NBEAL1: variants seen among roughly 807,000 people sequenced by gnomAD.
NBEAL1 encodes the protein neurobeachin like 1.
NBEAL1 carries 273 observed loss-of-function variants against 351.3 expected under a neutral mutation model. The ratio of observed to expected loss-of-function variants is 0.78; its 90% CI spans 0.70 to 0.86. NBEAL1 has a LOEUF of 0.86. Ranked by LOEUF, NBEAL1 falls within the 40% of genes least tolerant of loss-of-function variation. NBEAL1 has a pLI of 0.00. For missense variants in NBEAL1, 2,961 were observed against 3,201.3 expected (o/e 0.92, Z 1.81); for synonymous variants, 1,050 against 1,086.4 (o/e 0.97, Z 0.66).
At position 203,016,362 on chromosome 2, in the gene NBEAL1, A is replaced by C; in HGVS notation, c.-23A>C. The stretch of plus-strand genomic sequence containing the variant: ...AACATAATTTTTTTAAGGAAAACTT[A>C]AAGTGCCAGAGTGAAAGCCAGAATG... On this transcript the variant is annotated 5_prime_UTR_variant, in exon 2 of 56. Transcript: ENST00000683969. 4 of 1,453,068 alleles carry C rather than the reference A, an allele frequency of 2.8e-6. No individual in the cohort carries two copies. Among genetic ancestry groups the C allele is most frequent in the Non-Finnish European group, 3.7e-6 (4 of 1,084,458 alleles). 90.0% of individuals were successfully genotyped at this position (1,453,068 alleles called of 1,614,324 possible).
At chr2:203,117,368 C>T (rs2062723946) in intron 18 of NBEAL1, among the ~76,000 whole-genome samples, 1 of 152,016 alleles carries the variant, frequency 6.6e-6, no homozygotes, top group Non-Finnish European at 1.5e-5. Context: ...GAGGCTGAGG[C>T]AGGAGAATGG....
chr2:203,064,388 T>A (rs2061548367), intron 6 of NBEAL1, among the ~76,000 whole-genome samples: 1 of 152,194 alleles, frequency 6.6e-6, no homozygotes. Flanking sequence ...CCACGATTAC[T>A]TATTACTTGT....
At chr2:203,163,445 A>G (rs981202078) in intron 36 of NBEAL1, among the ~76,000 whole-genome samples, 4 of 152,058 alleles carry the variant, frequency 2.6e-5, no homozygotes, top group African/African-American at 7.2e-5. Context: ...TTCTTTTTAT[A>G]TATTCTAAAA....
intron 7 of NBEAL1, among the ~76,000 whole-genome samples, chr2:203,071,292 T>C (rs2061677958): frequency 1.3e-5 from 2 of 152,202 alleles, no homozygotes; most frequent in South Asian, 4.1e-4. Flanking sequence ...AGATCTGTCT[T>C]TGTGGCTTGC....
At chr2:203,172,346 C>A (rs2064347871) in intron 40 of NBEAL1, among the ~76,000 whole-genome samples, 1 of 151,944 alleles carries the variant, frequency 6.6e-6, no homozygotes, top group South Asian at 2.1e-4. Context: ...CATGGTGAAA[C>A]CCCGTCTCTA....
chr2:203,041,898 C>T, intron 3 of NBEAL1, 42 bp downstream of exon 3: 1 of 1,299,938 alleles, frequency 7.7e-7, no homozygotes, highest in Non-Finnish European at 1.1e-6. Flanking sequence ...ATGAGTTTTT[C>T]ATTTTTGGCA....
In NBEAL1 at chr2:203,220,366, C is replaced by G. The variant is rs1028305223; in HGVS notation, c.*3012C>G. Among the ~76,000 whole-genome samples, 7 of 152,042 alleles carry G rather than the reference C, an allele frequency of 4.6e-5. No homozygotes were observed. The highest frequency in any genetic ancestry group is 1.7e-4 in the African/African-American group (7 of 41,410). On this transcript the variant is annotated 3_prime_UTR_variant, in exon 56 of 56. Coordinates refer to ENST00000683969, the MANE Select transcript of NBEAL1 (RefSeq NM_001378026.1). ...GGGCATGGTGGCAGGTGCCTGTAGT[C>G]CCAGCTACTCAGGAGGCTGAGGCAG...
chr2:203,190,420 G>A, intron 46 of NBEAL1, 31 bp downstream of exon 46: 1 of 1,471,154 alleles, frequency 6.8e-7, no homozygotes, highest in Non-Finnish European at 9.4e-7. Context: ...GTAGATTTAA[G>A]TCAACTTAAG....
At chr2:203,108,998 C>T (rs1001680987) in intron 14 of NBEAL1, among the ~76,000 whole-genome samples, 4 of 152,078 alleles carry the variant, frequency 2.6e-5, no homozygotes, top group Non-Finnish European at 4.4e-5. Flanking sequence ...GCTGTGATTG[C>T]ACCACTGCAC....
chr2:203,133,749 T>C (rs1332236081), intron 27 of NBEAL1, among the ~76,000 whole-genome samples: 1 of 151,104 alleles, frequency 6.6e-6, no homozygotes, highest in East Asian at 1.9e-4. Flanking sequence ...GAGATCTCTA[T>C]ATATAGAGTT....
In NBEAL1 at chr2:203,171,936, A is replaced by G; in HGVS notation, c.6111A>G (p.Val2037=). 1 of 1,589,340 alleles carries G rather than the reference A, an allele frequency of 6.3e-7. No individual in the cohort carries two copies. The highest frequency in any genetic ancestry group is 8.6e-7 in the Non-Finnish European group (1 of 1,168,384). Residue 2037 remains valine (V), a synonymous_variant, in exon 40 of 56, where the codon GTA becomes GTG. Coordinates refer to ENST00000683969, the MANE Select transcript of NBEAL1 (RefSeq NM_001378026.1). ...FKASGLTQKW[V]NREISNFDYL... is the part of the protein sequence containing the mutation. ...TTTTTTGTGCTGTCTAGAAATGGGT[A>G]AACAGAGAGATATCAAATTTTGACT...
At chr2:203,073,049 G>C (rs989244461) in intron 7 of NBEAL1, among the ~76,000 whole-genome samples, 3 of 152,088 alleles carry the variant, frequency 2.0e-5, no homozygotes, top group Non-Finnish European at 4.4e-5. Context: ...TCTGGACCTG[G>C]AGATTACCTT....
At chr2:203,016,476 T>C (rs1204727053) in intron 2 of NBEAL1, 41 bp downstream of exon 2, 1 of 1,304,410 alleles carries the variant, frequency 7.7e-7, no homozygotes, top group African/African-American at 1.5e-5. Context: ...TAAAATACTT[T>C]ATTATAAAAT....
chr2:203,049,441 G>A (rs2061287688), intron 3 of NBEAL1, among the ~76,000 whole-genome samples: 1 of 152,148 alleles, frequency 6.6e-6, no homozygotes, highest in African/African-American at 2.4e-5. Flanking sequence ...TATGCACACT[G>A]CTATACACAG....
intron 43 of NBEAL1, chr2:203,182,549 G>T: frequency 6.6e-6 from 1 of 152,262 alleles, no homozygotes. Context: ...ATGACTATCA[G>T]GTGGGCAACG....
At chr2:203,044,211 A>G (rs1157268787) in intron 3 of NBEAL1, among the ~76,000 whole-genome samples, 1 of 152,202 alleles carries the variant, frequency 6.6e-6, no homozygotes, top group Non-Finnish European at 1.5e-5. Context: ...CCAGTTTCAG[A>G]TGTCTTCCTC....
intron 25 of NBEAL1, 116 bp downstream of exon 25, chr2:203,130,592 G>A (rs576845278): frequency 1.1e-5 from 7 of 631,844 alleles, no homozygotes; most frequent in African/African-American, 3.8e-5. Flanking sequence ...TCTCTAAGAT[G>A]TTCAACTTAT....
At chr2:203,214,299 G>T (rs1345519933) in intron 55 of NBEAL1, among the ~76,000 whole-genome samples, 1 of 152,170 alleles carries the variant, frequency 6.6e-6, no homozygotes, top group Non-Finnish European at 1.5e-5. Flanking sequence ...TATTTTCTGA[G>T]AAATCTAACA....
chr2:203,116,093 T>A, intron 18 of NBEAL1, 23 bp downstream of exon 18: 1 of 1,477,338 alleles, frequency 6.8e-7, no homozygotes. Flanking sequence ...TTGTGAACTG[T>A]CCATCTAGTT....
Sources: allele counts gnomAD v4.1 joint callset (sites outside exome capture counted in the v4.1 genomes callset), GRCh38; gene constraint gnomAD v4.1.1; transcripts MANE v1.5; gene names NCBI Gene and HGNC (gene_info 2026-07-23, HGNC 2026-07-21).